Variants in DLG2 observed in about 807,000 individuals in gnomAD.
The protein encoded by DLG2 is disks large homolog 2.
A neutral mutation model predicts 132.5 loss-of-function variants in DLG2; 45 were observed. The observed-to-expected ratio is 0.34, with a 90% CI of 0.27 to 0.44. The LOEUF is 0.44. Ranked by LOEUF, DLG2 falls within the 20% of genes least tolerant of loss-of-function variation. DLG2 has a pLI of 1.00. For missense variants in DLG2, 1,045 were observed against 1,196.9 expected (o/e 0.87, Z 1.87); for synonymous variants, 424 against 419.6 (o/e 1.01, Z -0.13).
intron 3 of DLG2, among the ~76,000 whole-genome samples, chr11:85,308,234 C>G (rs959710583): frequency 1.3e-5 from 2 of 148,448 alleles, no homozygotes; most frequent in Non-Finnish European, 3.0e-5. Context: ...TTTCAGAAAG[C>G]CAGTTTCTAA....
chr11:83,943,333 A>T (rs1369382242), intron 14 of DLG2, among the ~76,000 whole-genome samples: 1 of 152,208 alleles, frequency 6.6e-6, no homozygotes, highest in South Asian at 2.1e-4. Context: ...AGGGATATGT[A>T]TTGGGTACTT....
At chr11:84,026,327 C>G (rs976602676) in intron 11 of DLG2, among the ~76,000 whole-genome samples, 5 of 151,806 alleles carry the variant, frequency 3.3e-5, no homozygotes, top group African/African-American at 1.2e-4. Flanking sequence ...CAGAAACCAC[C>G]CTAGTCATGG....
intron 18 of DLG2, among the ~76,000 whole-genome samples, chr11:83,780,934 T>A (rs915486474): frequency 6.6e-6 from 1 of 152,146 alleles, no homozygotes; most frequent in African/African-American, 2.4e-5. Context: ...TCTCCAAGTA[T>A]GTTAGGGCAA....
intron 15 of DLG2, 141 bp from the exon 16 acceptor site, chr11:83,874,629 T>C (rs1335543538): frequency 4.2e-6 from 2 of 472,660 alleles, no homozygotes; most frequent in South Asian, 4.5e-5. Flanking sequence ...GTTGGTGTGC[T>C]GCACCCATTA....
At chr11:83,723,248 C>T (rs922750331) in intron 18 of DLG2, among the ~76,000 whole-genome samples, 20 of 152,118 alleles carry the variant, frequency 1.3e-4, no homozygotes, top group Admixed American at 8.5e-4. Flanking sequence ...GGCATGGGGG[C>T]GGGCACCTGT....
intron 4 of DLG2, among the ~76,000 whole-genome samples, chr11:85,270,113 AT>A (rs2077437275): frequency 6.6e-6 from 1 of 152,176 alleles, no homozygotes; most frequent in Admixed American, 6.6e-5. Context: ...TATTGGTACC[AT>A]TTGGCTGTGT....
At chr11:84,037,541 G>A (rs1170403278) in intron 11 of DLG2, among the ~76,000 whole-genome samples, 1 of 152,048 alleles carries the variant, frequency 6.6e-6, no homozygotes, top group African/African-American at 2.4e-5. Context: ...TGTATTTCAA[G>A]ACAGTTCTGA....
At chr11:83,766,286 G>C (rs1233328380) in intron 18 of DLG2, among the ~76,000 whole-genome samples, 1 of 151,658 alleles carries the variant, frequency 6.6e-6, no homozygotes, top group Admixed American at 6.6e-5. Context: ...GTACAGATGG[G>C]GTTTCACCAT....
intron 6 of DLG2, among the ~76,000 whole-genome samples, chr11:84,837,680 G>A (rs1008530617): frequency 2.0e-5 from 3 of 151,818 alleles, no homozygotes; most frequent in African/African-American, 7.3e-5. Context: ...CATTGCTATA[G>A]GAATTTTCAC....
intron 3 of DLG2, among the ~76,000 whole-genome samples, chr11:85,387,237 C>T (rs2086420693): frequency 6.6e-6 from 1 of 152,076 alleles, no homozygotes. Flanking sequence ...CAGTGCACAC[C>T]AATTATTGCA....
intron 5 of DLG2, among the ~76,000 whole-genome samples, chr11:85,146,497 T>C (rs1341973978): frequency 6.6e-6 from 1 of 152,088 alleles, no homozygotes; most frequent in Non-Finnish European, 1.5e-5. Flanking sequence ...CAGGTTCCCT[T>C]CTAGCCAAGG....
At chr11:85,224,106 T>C (rs1170954999) in intron 4 of DLG2, among the ~76,000 whole-genome samples, 2 of 152,194 alleles carry the variant, frequency 1.3e-5, no homozygotes, top group African/African-American at 2.4e-5. Context: ...AATTAATCTA[T>C]ATAAAACATT....
intron 6 of DLG2, among the ~76,000 whole-genome samples, chr11:84,701,032 C>T (rs1279082637): frequency 6.6e-6 from 1 of 151,496 alleles, no homozygotes; most frequent in African/African-American, 2.4e-5. Context: ...ATAGACAAGA[C>T]CAGTCACACG....
At chr11:85,051,040 T>G (rs986450140) in intron 6 of DLG2, among the ~76,000 whole-genome samples, 6 of 152,076 alleles carry the variant, frequency 3.9e-5, no homozygotes, top group African/African-American at 1.4e-4. Flanking sequence ...AACAACAGAT[T>G]TCAAAGTCAT....
intron 5 of DLG2, among the ~76,000 whole-genome samples, chr11:85,153,343 A>G (rs72961555): frequency 0.049 from 7,437 of 152,212 alleles, 271 homozygotes; most frequent in East Asian, 0.096. Flanking sequence ...CCATAATTGA[A>G]TTAGTCAACT....
At chr11:85,504,460 T>G (rs866804310) in intron 3 of DLG2, among the ~76,000 whole-genome samples, 3 of 152,358 alleles carry the variant, frequency 2.0e-5, no homozygotes, top group Middle Eastern at 3.4e-3. Flanking sequence ...CACCATTTAT[T>G]AAATAGGGAA....
chr11:84,810,157 T>C (rs2076403067), intron 6 of DLG2, among the ~76,000 whole-genome samples: 1 of 152,040 alleles, frequency 6.6e-6, no homozygotes, highest in Admixed American at 6.6e-5. Context: ...AAAATCATAT[T>C]AAGAAGATGG....
At chr11:84,998,982 T>TA (rs1339995294) in intron 6 of DLG2, among the ~76,000 whole-genome samples, 1 of 150,668 alleles carries the variant, frequency 6.6e-6, no homozygotes, top group Admixed American at 6.6e-5. Context: ...ATTATATATA[T>TA]ATATATATTT....
chr11:84,521,206 T>G lies in DLG2; in HGVS notation c.519+13364A>C, dbSNP rs2099298488. Among the ~76,000 whole-genome samples, 3 of 152,210 alleles carry G rather than the reference T, an allele frequency of 2.0e-5. No homozygotes were observed. In the South Asian group the frequency reaches 6.2e-4, roughly 32 times the overall value. Reference sequence around the variant, plus strand: ...TGGTCTAGCGTCAACAACCTAGATTTGGCCCTTTACTAAAGCTGAAAATTG... The same window carrying G: ...TGGTCTAGCGTCAACAACCTAGATTGGGCCCTTTACTAAAGCTGAAAATTG... On this transcript the variant is annotated intron_variant, in intron 7 of 27. Coordinates refer to ENST00000376104, the MANE Select transcript of DLG2 (RefSeq NM_001142699.3).
Sources: gnomAD v4.1 joint callset for allele counts (sites outside exome capture counted in the v4.1 genomes callset) on GRCh38, gnomAD v4.1.1 for gene constraint, MANE v1.5 for transcripts, NCBI Gene and HGNC (gene_info 2026-07-23, HGNC 2026-07-21) for gene names.